Variants in GRIK1 observed in about 807,000 individuals in gnomAD.
The protein encoded by GRIK1 is glutamate ionotropic receptor kainate type subunit 1, also known as glutamate receptor ionotropic, kainate 1.
In GRIK1, 69 loss-of-function variants were observed where a neutral mutation model predicts 105.7. The observed-to-expected ratio is 0.65, with a 90% CI of 0.54 to 0.80. GRIK1 has a LOEUF of 0.80. Ranked by LOEUF, GRIK1 falls within the 30% of genes least tolerant of loss-of-function variation. The pLI is 0.00. For synonymous variants in GRIK1, 438 were observed against 431.3 expected (o/e 1.02, Z -0.19); for missense variants, 1,109 against 1,167.3 (o/e 0.95, Z 0.73).
chr21:29,883,268 CT>C (rs1338753802), intron 1 of GRIK1, among the ~76,000 whole-genome samples: 9 of 152,084 alleles, frequency 5.9e-5, no homozygotes, highest in Non-Finnish European at 1.3e-4. Flanking sequence ...TTTATAAACT[CT>C]TGTGGTTCTA....
At chr21:29,593,989 A>C (rs532142935) in intron 9 of GRIK1, among the ~76,000 whole-genome samples, 1 of 152,216 alleles carries the variant, frequency 6.6e-6, no homozygotes, top group Non-Finnish European at 1.5e-5. Flanking sequence ...TTTCCTTCTT[A>C]AAATGAGAAA....
chr21:29,729,447 G>T (rs1474806000), intron 1 of GRIK1, among the ~76,000 whole-genome samples: 1 of 152,184 alleles, frequency 6.6e-6, no homozygotes, highest in Non-Finnish European at 1.5e-5. Flanking sequence ...CACTAGTCAT[G>T]CTGTGGTGTT....
At chr21:29,569,957 C>A (rs1338117974) in intron 14 of GRIK1, among the ~76,000 whole-genome samples, 2 of 152,080 alleles carry the variant, frequency 1.3e-5, no homozygotes, top group East Asian at 3.9e-4. Context: ...GGTCATGTAG[C>A]CCCTAGGAAA....
intron 1 of GRIK1, among the ~76,000 whole-genome samples, chr21:29,695,716 G>T (rs1429886738): frequency 6.6e-6 from 1 of 151,968 alleles, no homozygotes; most frequent in Non-Finnish European, 1.5e-5. Context: ...TTCGTGATCT[G>T]CCTGCCTCAG....
At chr21:29,821,183 A>T (rs764947390) in intron 1 of GRIK1, among the ~76,000 whole-genome samples, 2 of 152,054 alleles carry the variant, frequency 1.3e-5, no homozygotes, top group African/African-American at 4.8e-5. Flanking sequence ...TGTATATTCT[A>T]TGTATTAGAT....
intron 1 of GRIK1, among the ~76,000 whole-genome samples, chr21:29,920,926 T>C (rs555198065): frequency 1.5e-4 from 23 of 152,152 alleles, no homozygotes; most frequent in Non-Finnish European, 3.1e-4. Flanking sequence ...TGAGAATAGA[T>C]GATTGATGGT....
rs369676938 is a variant in GRIK1, at chr21:29,690,028, G to A, written c.287-43C>T. The A allele has an allele frequency of 4.3e-5, 42 of 966,764 alleles. No individual in the cohort carries two copies. In the African/African-American group the frequency reaches 5.3e-4, roughly 12 times the overall value. 59.9% of individuals were successfully genotyped at this position (966,764 alleles called of 1,614,324 possible). Reference sequence around the variant, plus strand: ...GGAGAGGATGGGGAGGGAGGGCAGGGAAAGGGGGAGAGAAAAAGAGAGTTC... The same window carrying A: ...GGAGAGGATGGGGAGGGAGGGCAGGAAAAGGGGGAGAGAAAAAGAGAGTTC... On this transcript the variant is annotated intron_variant, in intron 2 of 17. Transcript: ENST00000327783.
chr21:29,925,867 C>G (rs777644423), intron 1 of GRIK1, among the ~76,000 whole-genome samples: 1 of 152,136 alleles, frequency 6.6e-6, no homozygotes, highest in African/African-American at 2.4e-5. Flanking sequence ...CCCTTGTATG[C>G]ACATGTACTT....
rs548244757 is a variant in GRIK1, at chr21:29,782,232, G to A, written c.119-88169C>T. On this transcript the variant is annotated intron_variant, in intron 1 of 17. Coordinates refer to ENST00000327783, the MANE Select transcript of GRIK1 (RefSeq NM_001330994.2). ...CTCCCGAGCAGCTGGGACTGCAGGC[G>A]CCCGCCACCAAGCCTGGCTAATTTT... Among the ~76,000 whole-genome samples the A allele has an allele frequency of 2.8e-4, 43 of 151,388 alleles. No homozygotes were observed. The East Asian group carries it at 6.9e-3, about 24-fold the overall frequency.
intron 1 of GRIK1, among the ~76,000 whole-genome samples, chr21:29,817,503 C>T (rs932502162): frequency 7.9e-5 from 12 of 152,088 alleles, no homozygotes; most frequent in African/African-American, 2.4e-4. Context: ...TTCAATAGTG[C>T]TGGGCTTGGC....
chr21:29,853,717 C>T (rs754421237), intron 1 of GRIK1, among the ~76,000 whole-genome samples: 4 of 152,136 alleles, frequency 2.6e-5, no homozygotes, highest in African/African-American at 9.7e-5. Context: ...ACCAAATCAA[C>T]GTGTATTAAA....
intron 2 of GRIK1, among the ~76,000 whole-genome samples, chr21:29,691,296 G>A (rs1319902214): frequency 1.3e-5 from 2 of 152,198 alleles, no homozygotes; most frequent in African/African-American, 4.8e-5. Context: ...GGGTGACAGA[G>A]CGAGACTCTG....
At chr21:29,728,044 G>T (rs1214068946) in intron 1 of GRIK1, among the ~76,000 whole-genome samples, 2 of 152,144 alleles carry the variant, frequency 1.3e-5, no homozygotes, top group Non-Finnish European at 2.9e-5. Flanking sequence ...CACCCACATT[G>T]AGGAGAGCAG....
At chr21:29,688,398 G>A (rs1439760338) in intron 3 of GRIK1, among the ~76,000 whole-genome samples, 1 of 152,176 alleles carries the variant, frequency 6.6e-6, no homozygotes, top group African/African-American at 2.4e-5. Flanking sequence ...GAAAGGGGCA[G>A]TGAAAAGCGA....
intron 14 of GRIK1, among the ~76,000 whole-genome samples, chr21:29,574,598 T>G (rs545540186): frequency 6.6e-6 from 1 of 152,118 alleles, no homozygotes; most frequent in Admixed American, 6.5e-5. Context: ...TGCAAAGCCG[T>G]AATGTCATTT....
chr21:29,717,882 C>T (rs1242491790), intron 1 of GRIK1, among the ~76,000 whole-genome samples: 1 of 152,072 alleles, frequency 6.6e-6, no homozygotes. Flanking sequence ...AATCTCATCT[C>T]GAATTTTAGT....
At chr21:29,671,151 C>T (rs1236093873) in intron 4 of GRIK1, among the ~76,000 whole-genome samples, 3 of 152,012 alleles carry the variant, frequency 2.0e-5, no homozygotes, top group Non-Finnish European at 4.4e-5. Context: ...GGGACAGAGT[C>T]TCACTCTGTT....
chr21:29,934,047 G>C (rs896511577), intron 1 of GRIK1, among the ~76,000 whole-genome samples: 3 of 152,032 alleles, frequency 2.0e-5, no homozygotes, highest in Non-Finnish European at 2.9e-5. Flanking sequence ...AACGAAAGAG[G>C]ATTGAGAGAT....
At chr21:29,716,917 A>G (rs1195236085) in intron 1 of GRIK1, among the ~76,000 whole-genome samples, 1 of 152,186 alleles carries the variant, frequency 6.6e-6, no homozygotes, top group Non-Finnish European at 1.5e-5. Context: ...ATAGGCCTGG[A>G]GGCCTAGGAG....
Sources: gnomAD v4.1 joint callset for allele counts (sites outside exome capture counted in the v4.1 genomes callset) on GRCh38, gnomAD v4.1.1 for gene constraint, MANE v1.5 for transcripts, NCBI Gene and HGNC (gene_info 2026-07-23, HGNC 2026-07-21) for gene names.